The following ABCA13 variants were observed in gnomAD, a reference collection of about 807,000 sequenced individuals.
ABCA13 encodes the protein ATP-binding cassette sub-family A member 13.
ABCA13 carries 476 observed loss-of-function variants against 478.7 expected under a neutral mutation model. That is an observed-to-expected ratio of 0.99 (90% CI 0.92 to 1.07). The LOEUF (loss-of-function observed/expected upper bound fraction) is 1.07. Among genes scored for constraint, ABCA13 ranks in the 50% least tolerant of loss-of-function variants. The probability of loss-of-function intolerance (pLI) is 0.00; values close to 1 mark genes in which losing one functional copy is unlikely to be tolerated. For missense variants in ABCA13, 6,060 were observed against 5,910.6 expected, an observed-to-expected ratio of 1.03 and a Z score of -0.83; for synonymous variants, 2,252 against 2,158.9, an observed-to-expected ratio of 1.04 and a Z score of -1.20.
intron 29 of ABCA13, among the ~76,000 whole-genome samples, chr7:48,347,387 C>A (rs977567702): frequency 6.6e-6 from 1 of 152,124 alleles, no homozygotes; most frequent in Admixed American, 6.6e-5. Context: ...TCTCGCACAC[C>A]CTTGTATCCA....
At chr7:48,640,811 T>C (rs929197800) in intron 59 of ABCA13, among the ~76,000 whole-genome samples, 10 of 152,150 alleles carry the variant, frequency 6.6e-5, no homozygotes, top group Non-Finnish European at 1.5e-4. Flanking sequence ...AGTGTCTAAA[T>C]TGTTGAAGGT....
In ABCA13 at chr7:48,391,912, CT is replaced by C; in HGVS notation, c.11655-8del. The stretch of plus-strand genomic sequence containing the variant: ...CGTATTCTCCATGCTGTCTTATTTT[CT>C]CTGGCAGATCCATGTTGACGGGGCT... On this transcript the variant is annotated splice_polypyrimidine_tract_variant and splice_region_variant and intron_variant, in intron 37 of 61. Coordinates refer to ENST00000435803, the MANE Select transcript of ABCA13 (RefSeq NM_152701.5). 1 of 1,612,858 alleles carries C rather than the reference CT, an allele frequency of 6.2e-7. No individual in the cohort carries two copies. The highest frequency in any genetic ancestry group is 8.5e-7 in the Non-Finnish European group (1 of 1,179,210).
At chr7:48,368,687 G>GTATATATATATATATATA (rs201820250) in intron 32 of ABCA13, among the ~76,000 whole-genome samples, 14 of 122,750 alleles carry the variant, frequency 1.1e-4, no homozygotes, top group African/African-American at 3.7e-4. Flanking sequence ...GTGTGTATGT[G>GTATATATATATATATATA]TATATATATA....
intron 23 of ABCA13, 79 bp from the exon 24 acceptor site, chr7:48,309,868 C>A: frequency 1.3e-6 from 2 of 1,526,740 alleles, no homozygotes; most frequent in South Asian, 2.4e-5. Flanking sequence ...GACTCCCTGC[C>A]GATGAAGCTC....
At chr7:48,225,140 CCTT>C in intron 5 of ABCA13, among the ~76,000 whole-genome samples, 1 of 113,026 alleles carries the variant, frequency 8.8e-6, no homozygotes, top group South Asian at 3.4e-4. Flanking sequence ...TGCCTGCCTT[CCTT>C]CCTTCCTTCC....
In ABCA13 at chr7:48,637,381, C is replaced by CAAAAAAAAAAAA. The variant is rs1156643955; in HGVS notation, c.14838-5893_14838-5882dup. 3.0e-3 allele frequency among the ~76,000 whole-genome samples: 61 copies of CAAAAAAAAAAAA among 20,250 alleles called. 4 individuals carry two copies. The highest frequency in any genetic ancestry group is 0.05 in the Middle Eastern group (1 of 20). The allele number at this position is 20,250 out of a possible 152,430, so 13.3% of individuals were successfully genotyped here. A position where few individuals can be genotyped will look rare whatever the true frequency, so the allele number is the denominator to read the frequency against. On this transcript the variant is annotated intron_variant, in intron 59 of 61. Transcript: ENST00000435803. ...TGTTTTCTTTATTATGTTCATAAAG[C>CAAAAAAAAAAAA]AAAAAAAAAAAAAAAAAAAAAAAAA...
At chr7:48,609,437 A>T (rs1791799185) in intron 58 of ABCA13, among the ~76,000 whole-genome samples, 1 of 152,112 alleles carries the variant, frequency 6.6e-6, no homozygotes, top group Non-Finnish European at 1.5e-5. Context: ...GACTTTGTTG[A>T]AAAAAAGTCT....
chr7:48,540,254 A>C (rs1833864902), intron 55 of ABCA13, among the ~76,000 whole-genome samples: 1 of 152,124 alleles, frequency 6.6e-6, no homozygotes, highest in South Asian at 2.1e-4. Context: ...ATAAAGCAAA[A>C]TTAGGTTTAT....
chr7:48,316,553 A>G (rs1802612979), intron 26 of ABCA13, among the ~76,000 whole-genome samples: 1 of 151,986 alleles, frequency 6.6e-6, no homozygotes, highest in South Asian at 2.1e-4. Flanking sequence ...TATAACAGGG[A>G]AAAAAAATCT....
intron 32 of ABCA13, 31 bp downstream of exon 32, chr7:48,367,939 A>G (rs1811937667): frequency 6.6e-7 from 1 of 1,511,222 alleles, no homozygotes; most frequent in Non-Finnish European, 9.0e-7. Context: ...CCTGGGAGAC[A>G]AAGATAGGGA....
chr7:48,538,159 G>A (rs1833721956), intron 55 of ABCA13, among the ~76,000 whole-genome samples: 1 of 139,750 alleles, frequency 7.2e-6, no homozygotes, highest in South Asian at 2.2e-4. Flanking sequence ...GGAGTGCAGT[G>A]GTGCGATCTC....
At chr7:48,506,247 G>A in intron 48 of ABCA13, 89 bp from the exon 49 acceptor site, 4 of 1,394,178 alleles carry the variant, frequency 2.9e-6, no homozygotes, top group Non-Finnish European at 4.0e-6. Flanking sequence ...CATTGTGATG[G>A]CACAGGGAAT....
chr7:48,516,720 T>A lies in ABCA13; in HGVS notation c.13641-5T>A. 6.2e-7 allele frequency: 1 copy of A among 1,613,062 alleles called. No individual in the cohort carries two copies. Among genetic ancestry groups the A allele is most frequent in the Non-Finnish European group, 8.5e-7 (1 of 1,179,382 alleles). Reference sequence around the variant, plus strand: ...ACAAACATTACTTTTCACTTTACTTTTCAGATATGCAACTCTTCCATGGAT... The same window carrying A: ...ACAAACATTACTTTTCACTTTACTTATCAGATATGCAACTCTTCCATGGAT... On this transcript the variant is annotated splice_region_variant and splice_polypyrimidine_tract_variant and intron_variant, in intron 51 of 61. Transcript: ENST00000435803.
At chr7:48,601,292 T>C (rs1563490961) in intron 58 of ABCA13, among the ~76,000 whole-genome samples, 1 of 152,176 alleles carries the variant, frequency 6.6e-6, no homozygotes, top group Non-Finnish European at 1.5e-5. Flanking sequence ...GTTTGTTACA[T>C]AGGTATACAT....
At chr7:48,620,361 A>G (rs1281626969) in intron 59 of ABCA13, among the ~76,000 whole-genome samples, 1 of 152,222 alleles carries the variant, frequency 6.6e-6, no homozygotes, top group African/African-American at 2.4e-5. Context: ...TAAAAGCAGC[A>G]TGACCATTTT....
In ABCA13 at chr7:48,403,536, C is replaced by T. The variant is rs945454868; in HGVS notation, c.11874-147C>T. ...GAAAGTCAATGCTGCTCTGGTGAGA[C>T]TCACGTGTGTGTAGCATCCACACCT... On this transcript the variant is annotated intron_variant, in intron 38 of 61. Coordinates refer to ENST00000435803, the MANE Select transcript of ABCA13 (RefSeq NM_152701.5). 3 of 791,458 alleles carry T rather than the reference C, an allele frequency of 3.8e-6. No homozygotes were observed. The African/African-American group carries it at 5.2e-5, about 14-fold the overall frequency. 49.0% of individuals were successfully genotyped at this position (791,458 alleles called of 1,614,324 possible).
chr7:48,644,531 T>G lies in ABCA13; in HGVS notation c.14944-86T>G, dbSNP rs577487992. ...TAGGTTGAGAAAACGTAACTGAATT[T>G]TTTTGCCAATTAAATGTAGTATGAT... On this transcript the variant is annotated intron_variant, in intron 60 of 61. Coordinates refer to ENST00000435803, the MANE Select transcript of ABCA13 (RefSeq NM_152701.5). 49 of 1,397,198 alleles carry G rather than the reference T, an allele frequency of 3.5e-5. No homozygotes were observed. In the South Asian group the frequency reaches 6.4e-4, roughly 18 times the overall value. The allele number at this position is 1,397,198 out of a possible 1,614,324, so 86.6% of individuals were successfully genotyped here.
At chr7:48,438,020 T>A (rs1823074303) in intron 42 of ABCA13, among the ~76,000 whole-genome samples, 1 of 152,110 alleles carries the variant, frequency 6.6e-6, no homozygotes, top group African/African-American at 2.4e-5. Flanking sequence ...CCTCCTTTAG[T>A]TTTCATGTGC....
intron 48 of ABCA13, among the ~76,000 whole-genome samples, chr7:48,500,893 C>A (rs1389999982): frequency 1.3e-5 from 2 of 152,180 alleles, no homozygotes; most frequent in African/African-American, 4.8e-5. Flanking sequence ...AGGACATAGT[C>A]CTGTGAGTGG....
Sources: gnomAD v4.1 joint callset for allele counts (sites outside exome capture counted in the v4.1 genomes callset) on GRCh38, gnomAD v4.1.1 for gene constraint, MANE v1.5 for transcripts, NCBI Gene and HGNC (gene_info 2026-07-23, HGNC 2026-07-21) for gene names.